The following XRN1 variants were observed in gnomAD, a reference collection of about 807,000 sequenced individuals.
XRN1 encodes 5'-3' exoribonuclease 1.
Under a neutral mutation model 222.3 loss-of-function variants are expected in XRN1, and 67 were observed. The observed-to-expected ratio is 0.30, with a 90% confidence interval of 0.25 to 0.37. The LOEUF (loss-of-function observed/expected upper bound fraction) is 0.37. Among genes scored for constraint, XRN1 ranks in the 10% least tolerant of loss-of-function variants. XRN1 has a pLI of 1.00. For missense variants in XRN1, 1,707 were observed against 2,000.2 expected (o/e 0.85, Z 2.80); for synonymous variants, 643 against 652.4 (o/e 0.99, Z 0.22).
intron 18 of XRN1, among the ~76,000 whole-genome samples, chr3:142,402,963 T>G (rs547169979): frequency 2.0e-5 from 3 of 152,344 alleles, no homozygotes; most frequent in African/African-American, 7.2e-5. Flanking sequence ...TATCACCTGA[T>G]GCTACACTCG....
chr3:142,405,669 C>T (rs892484381), intron 15 of XRN1, among the ~76,000 whole-genome samples: 1 of 151,972 alleles, frequency 6.6e-6, no homozygotes, highest in Non-Finnish European at 1.5e-5. Context: ...ACAAGAGACC[C>T]ACAGACCAGA....
intron 25 of XRN1, among the ~76,000 whole-genome samples, chr3:142,375,206 G>A (rs2067105626): frequency 6.6e-6 from 1 of 152,094 alleles, no homozygotes; most frequent in African/African-American, 2.4e-5. Context: ...AGCTAGCCTA[G>A]GAAACTAATA....
chr3:142,332,440 G>T lies in XRN1; in HGVS notation c.4157C>A (p.Pro1386His). 1 of 1,613,220 alleles carries T rather than the reference G, an allele frequency of 6.2e-7. No individual in the cohort carries two copies. The change falls in exon 36 of 41, where the codon CCT (proline) becomes CAT (histidine). Residue 1386 changes from proline (P) to histidine (H), a missense_variant. Physicochemically the swap from Pro to His is moderately conservative, Grantham distance 77 (BLOSUM62 -2). Transcript: ENST00000392981. ...TTCATCTCTTCTGTTAGAGGAAACA[G>T]GGATTTCATTAGCAATCTGTTTGAT... ...NEIKQIANEI[P>H]VSSNRRDEYG... is the part of the protein sequence containing the mutation.
chr3:142,391,219 A>C (rs936672063), intron 20 of XRN1, among the ~76,000 whole-genome samples: 1 of 152,190 alleles, frequency 6.6e-6, no homozygotes, highest in Non-Finnish European at 1.5e-5. Flanking sequence ...GCAAGCCTCT[A>C]ATTTGTAAAA....
intron 20 of XRN1, among the ~76,000 whole-genome samples, chr3:142,387,125 T>C (rs1198452244): frequency 2.6e-5 from 4 of 152,218 alleles, no homozygotes; most frequent in African/African-American, 7.2e-5. Context: ...AATGTAATAG[T>C]ATCATTAGTG....
chr3:142,357,161 C>T (rs774574358), intron 30 of XRN1, 42 bp from the exon 31 acceptor site: 20 of 1,541,216 alleles, frequency 1.3e-5, no homozygotes, highest in Non-Finnish European at 1.8e-5. Flanking sequence ...GAAAACAATA[C>T]TAAATGTGTT....
At chr3:142,377,466 A>C (rs2067178624) in intron 23 of XRN1, among the ~76,000 whole-genome samples, 1 of 152,202 alleles carries the variant, frequency 6.6e-6, no homozygotes, top group Non-Finnish European at 1.5e-5. Flanking sequence ...TCTAACAAGC[A>C]TTTGGAAACG....
chr3:142,433,782 T>C (rs1238109282), intron 1 of XRN1, among the ~76,000 whole-genome samples: 1 of 152,192 alleles, frequency 6.6e-6, no homozygotes, highest in Non-Finnish European at 1.5e-5. Context: ...ATTTTTTCCT[T>C]GTATAAACAT....
chr3:142,366,670 C>T (rs920058495), intron 27 of XRN1, among the ~76,000 whole-genome samples: 1 of 151,992 alleles, frequency 6.6e-6, no homozygotes, highest in Non-Finnish European at 1.5e-5. Flanking sequence ...CAGTGAAGGC[C>T]TTAATGACAA....
Position 142,417,877 on chromosome 3 carries a change from C to T in XRN1, c.1346+627G>A, listed in dbSNP as rs1024721569. ...TAGTTTTTTAATATGAAAAATATTG[C>T]TTTTTTATTATAAAAGAACTATTTC... is the stretch of plus-strand genomic sequence containing the variant. On this transcript the variant is annotated intron_variant, in intron 12 of 40. Transcript: ENST00000392981. 7 of 152,024 alleles carry T rather than the reference C, an allele frequency of 4.6e-5. No individual in the cohort carries two copies. The South Asian group carries it at 8.3e-4, about 18-fold the overall frequency. The allele number at this position is 152,024 out of a possible 1,614,324, so 9.4% of individuals were successfully genotyped here. A position where few individuals can be genotyped will look rare whatever the true frequency, so the allele number is the denominator to read the frequency against.
intron 28 of XRN1, 53 bp downstream of exon 28, chr3:142,365,257 C>G: frequency 6.3e-7 from 1 of 1,577,062 alleles, no homozygotes; most frequent in Non-Finnish European, 8.6e-7. Context: ...TTTGCTCCTT[C>G]CATGCATTCA....
rs771379863 is a variant in XRN1, at chr3:142,422,744, T to A, written c.805A>T (p.Ile269Phe). 9.9e-6 allele frequency: 16 copies of A among 1,609,822 alleles called. No individual in the cohort carries two copies. Among genetic ancestry groups the A allele is most frequent in the Non-Finnish European group, 1.4e-5 (16 of 1,178,266 alleles). The change falls in exon 8 of 41, where the codon ATC becomes TTC. Residue 269 changes from isoleucine to phenylalanine, a missense_variant. By Grantham distance (21) the Ile-to-Phe change is conservative. Transcript: ENST00000392981. ...DYEFSVLKEK[I>F]TFKYDIERII... ...CTTTCAATATCATATTTAAATGTGA[T>A]CTTTTCCTACAGTAAAATAGAGAAC...
Position 142,355,482 on chromosome 3 carries a change from A to C in XRN1, c.3687T>G (p.Asp1229Glu), listed in dbSNP as rs759006132. The change falls in exon 32 of 41, where the codon GAT becomes GAG. Residue 1229 changes from aspartate (D) to glutamate (E), a missense_variant. Transcript: ENST00000392981. ...GCCAAATGTTGCAGAATTCATCATC[A>C]TCTTTAGTAGGTACCTAGCAAAGTA... ...LFVPTQVPTK[D>E]DDEFCNIWQS... The C allele has an allele frequency of 5.6e-6, 9 of 1,595,348 alleles. No homozygotes were observed. The highest frequency in any genetic ancestry group is 7.7e-6 in the Non-Finnish European group (9 of 1,169,260).
At chr3:142,323,464 G>A (rs2065421524) in intron 37 of XRN1, among the ~76,000 whole-genome samples, 1 of 151,992 alleles carries the variant, frequency 6.6e-6, no homozygotes, top group Admixed American at 6.6e-5. Flanking sequence ...TTACAGACGT[G>A]AGATACCATG....
intron 1 of XRN1, among the ~76,000 whole-genome samples, chr3:142,441,843 G>A (rs998332123): frequency 2.0e-5 from 3 of 152,208 alleles, no homozygotes; most frequent in African/African-American, 4.8e-5. Flanking sequence ...TAAGCCGCTC[G>A]AGGGGACCTT....
At chr3:142,361,963 CTTTTTTTTTTTTT>C (rs71153961) in intron 29 of XRN1, among the ~76,000 whole-genome samples, 4 of 51,682 alleles carry the variant, frequency 7.7e-5, no homozygotes, top group South Asian at 7.7e-4. Flanking sequence ...CTTTTTCTCT[CTTTTTTTTTTTTT>C]TTTTTTTTTT....
chr3:142,387,911 T>C (rs2067569190), intron 20 of XRN1, among the ~76,000 whole-genome samples: 2 of 152,168 alleles, frequency 1.3e-5, no homozygotes, highest in Admixed American at 1.3e-4. Flanking sequence ...TTTCTTGCCA[T>C]GTGATCTGTA....
chr3:142,407,900 C>T (rs1181798479), intron 15 of XRN1, among the ~76,000 whole-genome samples: 1 of 152,232 alleles, frequency 6.6e-6, no homozygotes, highest in Non-Finnish European at 1.5e-5. Context: ...CACAGCAATG[C>T]TGACAAATGC....
chr3:142,356,077 A>G (rs1315921334), intron 31 of XRN1, among the ~76,000 whole-genome samples: 3 of 152,226 alleles, frequency 2.0e-5, no homozygotes, highest in Admixed American at 2.0e-4. Flanking sequence ...CATAACAAAC[A>G]CTATAAAAGA....
Sources: gnomAD v4.1 joint callset for allele counts (sites outside exome capture counted in the v4.1 genomes callset) on GRCh38, gnomAD v4.1.1 for gene constraint, MANE v1.5 for transcripts, NCBI Gene and HGNC (gene_info 2026-07-23, HGNC 2026-07-21) for gene names.